Variants in ALDH18A1 observed in about 807,000 individuals in gnomAD.
The protein encoded by ALDH18A1 is delta-1-pyrroline-5-carboxylate synthase.
In ALDH18A1, 44 loss-of-function variants were observed where a neutral mutation model predicts 88.8. The ratio of observed to expected loss-of-function variants is 0.50; its 90% CI spans 0.39 to 0.64. The LOEUF is 0.64. Among genes scored for constraint, ALDH18A1 ranks in the 30% least tolerant of loss-of-function variants. The pLI, the probability that ALDH18A1 is intolerant of heterozygous loss-of-function variation, is 0.00. For synonymous variants in ALDH18A1, 331 were observed against 372.1 expected (o/e 0.89, Z 1.27); for missense variants, 782 against 1,009.5 (o/e 0.77, Z 3.05).
chr10:95,643,520 G>C (rs548837147), intron 2 of ALDH18A1, among the ~76,000 whole-genome samples: 29 of 152,264 alleles, frequency 1.9e-4, no homozygotes, highest in African/African-American at 7.0e-4. Flanking sequence ...CTCTAAAAAA[G>C]AGATTTATCA....
Position 95,639,575 on chromosome 10 carries a change from T to C in ALDH18A1, c.304-2139A>G, listed in dbSNP as rs549927934. The stretch of plus-strand genomic sequence containing the variant: ...TGCTAAAAGATAATCATATATATTA[T>C]ATATAATATATAATTATATGTCTTT... On this transcript the variant is annotated intron_variant, in intron 3 of 17. Coordinates refer to ENST00000371224, the MANE Select transcript of ALDH18A1 (RefSeq NM_002860.4). 4.6e-5 allele frequency among the ~76,000 whole-genome samples: 7 copies of C among 151,210 alleles called. No individual in the cohort carries two copies. In the South Asian group the frequency reaches 1.5e-3, roughly 31 times the overall value.
At chr10:95,655,127 C>CTTTATT in intron 1 of ALDH18A1, among the ~76,000 whole-genome samples, 1 of 48,890 alleles carries the variant, frequency 2.0e-5, no homozygotes, top group African/African-American at 5.0e-5. Flanking sequence ...CCCAATTTTT[C>CTTTATT]TTTATTATTA....
intron 3 of ALDH18A1, among the ~76,000 whole-genome samples, chr10:95,641,503 T>TG (rs1339055020): frequency 6.9e-6 from 1 of 145,808 alleles, no homozygotes; most frequent in East Asian, 2.2e-4. Flanking sequence ...TTTTTTGTTT[T>TG]TTTTTTTCTG....
intron 11 of ALDH18A1, among the ~76,000 whole-genome samples, chr10:95,622,029 T>C (rs1373005035): frequency 6.6e-6 from 1 of 152,166 alleles, no homozygotes; most frequent in Non-Finnish European, 1.5e-5. Flanking sequence ...CATATATGTG[T>C]GCACGGGAAG....
intron 3 of ALDH18A1, among the ~76,000 whole-genome samples, chr10:95,640,812 C>T (rs576716836): frequency 1.3e-4 from 20 of 152,316 alleles, no homozygotes; most frequent in African/African-American, 4.6e-4. Context: ...TGGTAACCTA[C>T]GCAAACCTTT....
rs937404940 is a variant in ALDH18A1, at chr10:95,626,699, T to C, written c.1152+4A>G. On this transcript the variant is annotated splice_donor_region_variant and intron_variant, in intron 10 of 17. Coordinates refer to ENST00000371224, the MANE Select transcript of ALDH18A1 (RefSeq NM_002860.4). Reference sequence around the variant, plus strand: ...ATAACAATATTATCACCTAAGGTTATTACCTGCTCAGGTTCCAAGGTGGCC... The same window carrying C: ...ATAACAATATTATCACCTAAGGTTACTACCTGCTCAGGTTCCAAGGTGGCC... 8 of 1,613,860 alleles carry C rather than the reference T, an allele frequency of 5.0e-6. No individual in the cohort carries two copies. Among genetic ancestry groups the C allele is most frequent in the East Asian group, 2.2e-5 (1 of 44,874 alleles).
chr10:95,617,473 C>G (rs556093547), intron 12 of ALDH18A1, among the ~76,000 whole-genome samples: 1 of 152,324 alleles, frequency 6.6e-6, no homozygotes, highest in East Asian at 1.9e-4. Flanking sequence ...AGAGCTCCTG[C>G]CAGCCCCTGG....
intron 7 of ALDH18A1, chr10:95,628,843 G>A (rs1589523494): frequency 3.0e-6 from 1 of 332,460 alleles, no homozygotes; most frequent in Non-Finnish European, 5.8e-6. Flanking sequence ...GGACAGAACT[G>A]AAAAAGAAGG....
At position 95,621,242 on chromosome 10, in the gene ALDH18A1, G is replaced by C; in HGVS notation, c.1256C>G (p.Ala419Gly). The stretch of plus-strand genomic sequence containing the variant: ...GCTTAAACGTTTCAGCAGAGGAGCT[G>C]CAAGTCTCCCTGAAAAGCCATTAAG... ...KDLEEAEGRL[A>G]APLLKRLSLS... The change falls in exon 12 of 18, where the codon GCA becomes GGA. Residue 419 changes from alanine to glycine, a missense_variant. Ala to Gly is a moderately conservative substitution (Grantham distance 60, BLOSUM62 0). Transcript: ENST00000371224. The C allele has an allele frequency of 6.2e-7, 1 of 1,612,552 alleles. No individual in the cohort carries two copies. The highest frequency in any genetic ancestry group is 1.1e-5 in the South Asian group (1 of 90,940).
chr10:95,613,741 C>T lies in ALDH18A1; in HGVS notation c.1923+1G>A, dbSNP rs863223315. The T allele has an allele frequency of 1.9e-6, 3 of 1,614,002 alleles. No individual in the cohort carries two copies. The highest frequency in any genetic ancestry group is 2.2e-5 in the South Asian group (2 of 91,084). On this transcript the variant is annotated splice_donor_variant, in intron 15 of 17. Coordinates refer to ENST00000371224, the MANE Select transcript of ALDH18A1 (RefSeq NM_002860.4). LOFTEE classifies it high-confidence loss of function. Reference sequence around the variant, plus strand: ...ATGTACTAGTCCTATGGAACTCTTACCTGTTCCACTCTCAGCATATCAATG... The same window carrying T: ...ATGTACTAGTCCTATGGAACTCTTATCTGTTCCACTCTCAGCATATCAATG...
intron 3 of ALDH18A1, among the ~76,000 whole-genome samples, chr10:95,640,756 G>C (rs931429765): frequency 2.6e-5 from 4 of 152,150 alleles, no homozygotes; most frequent in African/African-American, 9.7e-5. Context: ...GGCCCTGATG[G>C]AGACAGCTCT....
At chr10:95,607,745 G>A (rs2097825419) in intron 17 of ALDH18A1, among the ~76,000 whole-genome samples, 1 of 152,158 alleles carries the variant, frequency 6.6e-6, no homozygotes, top group African/African-American at 2.4e-5. Context: ...TGGTGGAGCT[G>A]GGGACACGCT....
intron 3 of ALDH18A1, among the ~76,000 whole-genome samples, chr10:95,640,096 C>G (rs2097888578): frequency 6.6e-6 from 1 of 152,066 alleles, no homozygotes; most frequent in African/African-American, 2.4e-5. Flanking sequence ...TCAATGATTC[C>G]TTCGTCATTT....
chr10:95,636,865 A>C (rs376164476), intron 5 of ALDH18A1, among the ~76,000 whole-genome samples: 1 of 152,250 alleles, frequency 6.6e-6, no homozygotes, highest in Non-Finnish European at 1.5e-5. Context: ...TGCTTTTCAT[A>C]TATTTTCTCA....
rs770929070 is a variant in ALDH18A1, at chr10:95,633,840, AG to A, written c.559-192del. On this transcript the variant is annotated intron_variant, in intron 5 of 17. Coordinates refer to ENST00000371224, the MANE Select transcript of ALDH18A1 (RefSeq NM_002860.4). The stretch of plus-strand genomic sequence containing the variant: ...TTTTTTTTTTTTTTTTTTTTGAGAC[AG>A]GGTCTCATTCTGTCGCTCAGGCCGT... 2.3e-3 allele frequency among the ~76,000 whole-genome samples: 297 copies of A among 127,054 alleles called. 1 individual carries two copies. Among genetic ancestry groups the A allele is most frequent in the Non-Finnish European group, 4.2e-3 (257 of 61,214 alleles). The allele number at this position is 127,054 out of a possible 152,430, so 83.4% of individuals were successfully genotyped here.
intron 17 of ALDH18A1, among the ~76,000 whole-genome samples, chr10:95,609,767 C>CTTTTTTTTTTTTTT (rs1193875091): frequency 2.0e-4 from 6 of 30,684 alleles, no homozygotes; most frequent in Admixed American, 4.1e-4. Flanking sequence ...AAGTCTGTCT[C>CTTTTTTTTTTTTTT]TATTTTTTTT....
intron 2 of ALDH18A1, among the ~76,000 whole-genome samples, chr10:95,646,677 A>G (rs1466672300): frequency 1.3e-5 from 2 of 152,180 alleles, no homozygotes; most frequent in African/African-American, 2.4e-5. Context: ...TTGATTAGTT[A>G]GGAAAATTCA....
At chr10:95,652,290 C>T (rs10882647) in intron 2 of ALDH18A1, among the ~76,000 whole-genome samples, 52,183 of 152,072 alleles carry the variant, frequency 0.34, 9,587 homozygotes, top group East Asian at 0.7. Flanking sequence ...GTATCTTGAT[C>T]GTATCAACGT....
intron 17 of ALDH18A1, among the ~76,000 whole-genome samples, chr10:95,607,637 C>T (rs906703733): frequency 1.3e-5 from 2 of 152,098 alleles, no homozygotes; most frequent in Non-Finnish European, 2.9e-5. Flanking sequence ...GTTTTTGTGG[C>T]GCTGATATTA....
Sources: allele counts gnomAD v4.1 joint callset (sites outside exome capture counted in the v4.1 genomes callset), GRCh38; gene constraint gnomAD v4.1.1; transcripts MANE v1.5; gene names NCBI Gene and HGNC (gene_info 2026-07-23, HGNC 2026-07-21).